NAV2: variants seen among roughly 807,000 people sequenced by gnomAD.
NAV2 encodes neuron navigator 2, also known as helicase, APC down-regulated 1.
Under a neutral mutation model 223.2 loss-of-function variants are expected in NAV2, and 54 were observed. That is an observed-to-expected ratio of 0.24 (90% CI 0.19 to 0.30). The LOEUF is 0.30. NAV2 is among the 10% of genes least tolerant of loss of function. The pLI is 1.00. For synonymous variants in NAV2, 1,279 were observed against 1,239.3 expected, an observed-to-expected ratio of 1.03 and a Z score of -0.67; for missense variants, 2,806 against 3,147.5, an observed-to-expected ratio of 0.89 and a Z score of 2.60.
chr11:19,536,833 C>T (rs1453161332), intron 1 of NAV2, among the ~76,000 whole-genome samples: 1 of 152,160 alleles, frequency 6.6e-6, no homozygotes, highest in Non-Finnish European at 1.5e-5. Context: ...CCATTCTTAC[C>T]ATTCCCAAAA....
chr11:19,766,035 A>C (rs2055198213), intron 1 of NAV2, among the ~76,000 whole-genome samples: 1 of 152,126 alleles, frequency 6.6e-6, no homozygotes, highest in South Asian at 2.1e-4. Flanking sequence ...ATCACCCAGA[A>C]TAGAACCTGG....
At chr11:20,100,047 G>A (rs1036532797) in intron 31 of NAV2, among the ~76,000 whole-genome samples, 1 of 152,144 alleles carries the variant, frequency 6.6e-6, no homozygotes, top group African/African-American at 2.4e-5. Context: ...AGCAGTGACT[G>A]AGTACGTAGA....
chr11:20,073,756 G>T (rs1393709139), intron 22 of NAV2, among the ~76,000 whole-genome samples: 2 of 151,848 alleles, frequency 1.3e-5, no homozygotes, highest in Non-Finnish European at 2.9e-5. Flanking sequence ...ATGGTAGTTT[G>T]TATTTCTGTG....
chr11:19,641,138 T>C (rs779819976), intron 1 of NAV2, among the ~76,000 whole-genome samples: 1 of 152,178 alleles, frequency 6.6e-6, no homozygotes, highest in Non-Finnish European at 1.5e-5. Context: ...CACCATCCCA[T>C]GCCCACCTGG....
chr11:19,910,367 G>A (rs2043206015), intron 6 of NAV2, among the ~76,000 whole-genome samples: 1 of 152,164 alleles, frequency 6.6e-6, no homozygotes, highest in Admixed American at 6.5e-5. Flanking sequence ...AATGCCAGAT[G>A]AGTGGTCCAG....
chr11:19,586,283 A>AT (rs543994351), intron 1 of NAV2, among the ~76,000 whole-genome samples: 3 of 151,658 alleles, frequency 2.0e-5, no homozygotes, highest in African/African-American at 4.9e-5. Context: ...CATTTTTCTA[A>AT]TTTTTTTTCA....
intron 1 of NAV2, among the ~76,000 whole-genome samples, chr11:19,563,755 C>G (rs1283470462): frequency 2.0e-5 from 3 of 152,164 alleles, no homozygotes; most frequent in African/African-American, 7.2e-5. Flanking sequence ...GGGTTCAAAT[C>G]TGGGCTCTGC....
chr11:19,974,804 G>A (rs1220540161), intron 10 of NAV2, among the ~76,000 whole-genome samples: 1 of 152,214 alleles, frequency 6.6e-6, no homozygotes, highest in African/African-American at 2.4e-5. Context: ...GTGTTGGGGG[G>A]AAGAGGGGAT....
intron 1 of NAV2, among the ~76,000 whole-genome samples, chr11:19,614,290 C>G (rs753540665): frequency 6.6e-6 from 1 of 152,212 alleles, no homozygotes; most frequent in Admixed American, 6.5e-5. Context: ...CCTAGTTCCG[C>G]GAGACACCTC....
At chr11:19,936,889 G>C (rs918664696) in intron 7 of NAV2, among the ~76,000 whole-genome samples, 19 of 152,198 alleles carry the variant, frequency 1.2e-4, no homozygotes, top group African/African-American at 4.6e-4. Flanking sequence ...TGAAATCCCA[G>C]CACTTTGGAA....
intron 1 of NAV2, among the ~76,000 whole-genome samples, chr11:19,652,767 C>A (rs2048006763): frequency 6.6e-6 from 1 of 152,196 alleles, no homozygotes; most frequent in African/African-American, 2.4e-5. Context: ...GACTACCAAG[C>A]TTTTTTAGCA....
chr11:19,481,820 T>G (rs1263000370), intron 1 of NAV2, among the ~76,000 whole-genome samples: 1 of 152,188 alleles, frequency 6.6e-6, no homozygotes, highest in Non-Finnish European at 1.5e-5. Flanking sequence ...CCACTAAATA[T>G]CTACAATGTC....
intron 1 of NAV2, among the ~76,000 whole-genome samples, chr11:19,765,897 C>T (rs1307093996): frequency 6.6e-6 from 1 of 152,128 alleles, no homozygotes; most frequent in Admixed American, 6.5e-5. Flanking sequence ...CATGCTATCC[C>T]TCAGTGGCTT....
At chr11:19,347,673 G>A (rs1409267210), upstream of NAV2, among the ~76,000 whole-genome samples, 6 of 152,126 alleles carry the variant, frequency 3.9e-5, no homozygotes, top group South Asian at 2.1e-4. Flanking sequence ...CCTTGCAGCC[G>A]CTCAGTTCTG....
At chr11:19,618,404 G>GGATGTATGTATGAATGAATA (rs1565105270) in intron 1 of NAV2, among the ~76,000 whole-genome samples, 44 of 37,082 alleles carry the variant, frequency 1.2e-3, no homozygotes, top group African/African-American at 2.0e-3. Context: ...ATGAATAGAT[G>GGATGTATGTATGAATGAATA]GATGGATGGA....
At chr11:19,723,225 T>G (rs1476410210) in intron 1 of NAV2, among the ~76,000 whole-genome samples, 3 of 152,206 alleles carry the variant, frequency 2.0e-5, no homozygotes, top group Non-Finnish European at 4.4e-5. Flanking sequence ...CAGCAACCAT[T>G]TATGTGCCAT....
At chr11:19,663,092 G>C (rs1355441240) in intron 1 of NAV2, among the ~76,000 whole-genome samples, 1 of 152,102 alleles carries the variant, frequency 6.6e-6, no homozygotes, top group Non-Finnish European at 1.5e-5. Flanking sequence ...AGCCCATGTT[G>C]ACTCTGTTCT....
upstream of NAV2, among the ~76,000 whole-genome samples, chr11:19,709,274 G>A (rs2049779911): frequency 6.6e-6 from 1 of 152,162 alleles, no homozygotes; most frequent in African/African-American, 2.4e-5. Context: ...CAGGCACGGT[G>A]GCTCACGCCT....
At chr11:19,637,670 G>A (rs1322690601) in intron 1 of NAV2, among the ~76,000 whole-genome samples, 3 of 152,206 alleles carry the variant, frequency 2.0e-5, no homozygotes, top group Non-Finnish European at 4.4e-5. Flanking sequence ...GCAAGAATTG[G>A]AGCAAGGGGG....
Sources: gnomAD v4.1 joint callset for allele counts (sites outside exome capture counted in the v4.1 genomes callset) on GRCh38, gnomAD v4.1.1 for gene constraint, MANE v1.5 for transcripts, NCBI Gene and HGNC (gene_info 2026-07-23, HGNC 2026-07-21) for gene names.